PDK1: variants seen among roughly 807,000 people sequenced by gnomAD.
The protein encoded by PDK1 is [Pyruvate dehydrogenase (acetyl-transferring)] kinase isozyme 1, mitochondrial.
PDK1 carries 39 observed loss-of-function variants against 54.2 expected under a neutral mutation model. The observed-to-expected ratio is 0.72, with a 90% confidence interval of 0.56 to 0.94. The LOEUF (loss-of-function observed/expected upper bound fraction) is 0.94. Ranked by LOEUF, PDK1 falls within the 40% of genes least tolerant of loss-of-function variation. PDK1 has a pLI of 0.00. For missense variants in PDK1, 552 were observed against 566.0 expected (o/e 0.98, Z 0.25); for synonymous variants, 221 against 207.1 (o/e 1.07, Z -0.58).
At chr2:172,625,511 A>G in the PDK1 span, among the ~76,000 whole-genome samples, 2 of 152,264 alleles carry the variant, frequency 1.3e-5, no homozygotes, top group African/African-American at 4.8e-5. Flanking sequence ...AGTCCCTGCT[A>G]TACCTCTCTA....
intron 2 of PDK1, among the ~76,000 whole-genome samples, chr2:172,560,393 C>A (rs189069326): frequency 6.6e-6 from 1 of 152,284 alleles, no homozygotes; most frequent in African/African-American, 2.4e-5. Flanking sequence ...GTTGTGAACT[C>A]CTGGGCTCAA....
chr2:172,652,545 G>A, the PDK1 span, among the ~76,000 whole-genome samples: 3 of 152,188 alleles, frequency 2.0e-5, no homozygotes, highest in African/African-American at 7.2e-5. Context: ...GTTTGCAGAT[G>A]ACATGATTGT....
intron 7 of PDK1, among the ~76,000 whole-genome samples, 183 bp downstream of exon 7, chr2:172,569,000 C>T (rs1017005820): frequency 6.6e-6 from 1 of 152,178 alleles, no homozygotes; most frequent in African/African-American, 2.4e-5. Context: ...TAGTGGTGAG[C>T]TCAGACTATG....
chr2:172,565,553 G>A (rs778278456), intron 5 of PDK1, among the ~76,000 whole-genome samples: 29 of 151,108 alleles, frequency 1.9e-4, no homozygotes, highest in African/African-American at 1.7e-4. Context: ...TGCCTGCCTC[G>A]GCCTCCCAAA....
intron 8 of PDK1, among the ~76,000 whole-genome samples, chr2:172,571,823 C>CGTTTTTTTTTTTTTTTT (rs765005051): frequency 4.0e-5 from 4 of 99,784 alleles, no homozygotes; most frequent in African/African-American, 3.9e-5. Flanking sequence ...TCTTTCTTTA[C>CGTTTTTTTTTTTTTTTT]TTTTTTTTTT....
downstream of PDK1, among the ~76,000 whole-genome samples, chr2:172,610,714 G>C (rs1433919284): frequency 6.6e-6 from 1 of 152,060 alleles, no homozygotes. Flanking sequence ...AGGTTCAAGC[G>C]ATTCTCCTGC....
Position 172,569,097 on chromosome 2 carries a change from C to T in PDK1, c.846+280C>T, listed in dbSNP as rs553401862. 2.0e-5 allele frequency among the ~76,000 whole-genome samples: 3 copies of T among 152,308 alleles called. No homozygotes were observed. The East Asian group carries it at 5.8e-4, about 29-fold the overall frequency. On this transcript the variant is annotated intron_variant, in intron 7 of 10. Transcript: ENST00000282077. ...CAAGTCACTCAACCTCTCTGAGCCTCAGTTTCCTTTTCTGTAAAACAAGAA... is the reference window on the plus strand; with the variant it reads ...CAAGTCACTCAACCTCTCTGAGCCTTAGTTTCCTTTTCTGTAAAACAAGAA...
Position 172,606,787 on chromosome 2 carries a change from A to G in PDK1, c.*10818A>G, listed in dbSNP as rs1443091886. 1.3e-5 allele frequency: 2 copies of G among 151,716 alleles called. No homozygotes were observed. Among genetic ancestry groups the G allele is most frequent in the African/African-American group, 2.4e-5 (1 of 41,274 alleles). The allele number at this position is 151,716 out of a possible 1,614,324, so 9.4% of individuals were successfully genotyped here. On this transcript the variant is annotated 3_prime_UTR_variant, in exon 11 of 11. Coordinates refer to ENST00000282077, the MANE Select transcript of PDK1 (RefSeq NM_002610.5). ...CATGTTGAAGTTCACATGACCTACA[A>G]CTAACCATTTTAAAGTGTAATTCAG...
Position 172,570,766 on chromosome 2 carries a change from G to T in PDK1, c.887G>T (p.Gly296Val). 6.2e-7 allele frequency: 1 copy of T among 1,612,100 alleles called. No individual in the cohort carries two copies. Among genetic ancestry groups the T allele is most frequent in the Non-Finnish European group, 8.5e-7 (1 of 1,178,322 alleles). The part of the protein sequence containing the change: ...RATMEHHANR[G>V]VYPPIQVHVT... Reference sequence around the variant, plus strand: ...ACTATGGAACACCATGCCAACAGAGGTGTTTACCCCCCTATTCAAGTTCAT... The same window carrying T: ...ACTATGGAACACCATGCCAACAGAGTTGTTTACCCCCCTATTCAAGTTCAT... Residue 296 changes from glycine (G) to valine (V), a missense_variant, in exon 8 of 11, where the codon GGT (glycine) becomes GTT (valine). Physicochemically the swap from Gly to Val is moderately radical, Grantham distance 109. Transcript: ENST00000282077.
intron 1 of PDK1, among the ~76,000 whole-genome samples, chr2:172,557,381 G>T (rs1234660598): frequency 1.3e-5 from 2 of 152,130 alleles, no homozygotes; most frequent in African/African-American, 4.8e-5. Context: ...TGCATTACTG[G>T]AATAATAAGA....
intron 10 of PDK1, among the ~76,000 whole-genome samples, chr2:172,594,206 G>A (rs1338012942): frequency 1.3e-5 from 2 of 151,944 alleles, no homozygotes; most frequent in Non-Finnish European, 2.9e-5. Context: ...TGTATTTTTA[G>A]TAGAGATGGG....
At chr2:172,591,347 A>T (rs956815461) in intron 9 of PDK1, among the ~76,000 whole-genome samples, 1 of 152,166 alleles carries the variant, frequency 6.6e-6, no homozygotes, top group East Asian at 1.9e-4. Flanking sequence ...GCGGCATCTC[A>T]TACTATCCCT....
At chr2:172,638,931 A>G in the PDK1 span, among the ~76,000 whole-genome samples, 2 of 152,272 alleles carry the variant, frequency 1.3e-5, no homozygotes, top group African/African-American at 2.4e-5. Flanking sequence ...ATCTATAATT[A>G]TAACTTGGAA....
At position 172,563,850 on chromosome 2, in the gene PDK1, T is replaced by A. The variant is rs117668431; in HGVS notation, c.411-653T>A. On this transcript the variant is annotated intron_variant, in intron 3 of 10. Coordinates refer to ENST00000282077, the MANE Select transcript of PDK1 (RefSeq NM_002610.5). ...ATTCCATCTCAAAAAAAAAAAAGAC[T>A]TATTTTCTCTTTTATTTAGTTATTT... 4.9e-4 allele frequency among the ~76,000 whole-genome samples: 74 copies of A among 152,096 alleles called. No homozygotes were observed. The East Asian group carries it at 0.012, about 25-fold the overall frequency.
chr2:172,581,930 A>G (rs1309965118), intron 8 of PDK1, among the ~76,000 whole-genome samples: 1 of 151,818 alleles, frequency 6.6e-6, no homozygotes, highest in Non-Finnish European at 1.5e-5. Context: ...GTGTTTTTTT[A>G]TAGATGGAGT....
chr2:172,677,522 CA>C, the PDK1 span: 2 of 152,166 alleles, frequency 1.3e-5, no homozygotes, highest in Non-Finnish European at 2.9e-5. Flanking sequence ...AGCTTTTCAA[CA>C]AGTCCAGACA....
the PDK1 span, among the ~76,000 whole-genome samples, chr2:172,722,570 G>T: frequency 1.3e-5 from 2 of 152,224 alleles, no homozygotes; most frequent in Non-Finnish European, 2.9e-5. Flanking sequence ...ATTATTATTA[G>T]TGGCTGCTTG....
intron 8 of PDK1, among the ~76,000 whole-genome samples, chr2:172,584,760 T>G (rs942099311): frequency 6.7e-6 from 1 of 150,226 alleles, no homozygotes; most frequent in Non-Finnish European, 1.5e-5. Context: ...GCTGAAGTGA[T>G]CCTCCTGCCT....
chr2:172,689,139 C>T, the PDK1 span, among the ~76,000 whole-genome samples: 512 of 152,190 alleles, frequency 3.4e-3, 2 homozygotes, highest in African/African-American at 0.012. Flanking sequence ...TTTTACAGAG[C>T]GCTGATTGGT....
Sources: allele counts gnomAD v4.1 joint callset (sites outside exome capture counted in the v4.1 genomes callset), GRCh38; gene constraint gnomAD v4.1.1; transcripts MANE v1.5; gene names NCBI Gene and HGNC (gene_info 2026-07-23, HGNC 2026-07-21).